The following NPR3 variants were observed in gnomAD, a reference collection of about 807,000 sequenced individuals.
The protein encoded by NPR3 is atrial natriuretic peptide receptor 3.
A neutral mutation model predicts 54.5 loss-of-function variants in NPR3; 34 were observed. The observed-to-expected ratio is 0.62, with a 90% CI of 0.47 to 0.83. The LOEUF (loss-of-function observed/expected upper bound fraction) is 0.83, where lower values mean the gene tolerates loss of function less well. NPR3 is among the 40% of genes least tolerant of loss of function. The pLI, the probability that NPR3 is intolerant of heterozygous loss-of-function variation, is 0.00. For synonymous variants in NPR3, 289 were observed against 297.1 expected, an observed-to-expected ratio of 0.97 and a Z score of 0.28; for missense variants, 674 against 720.8, an observed-to-expected ratio of 0.94 and a Z score of 0.74.
In NPR3 at chr5:32,737,699, C is replaced by T. The variant is rs1022380604; in HGVS notation, c.893-1165C>T. Among the ~76,000 whole-genome samples the T allele has an allele frequency of 9.9e-5, 15 of 152,096 alleles. 1 individual carries two copies. Among genetic ancestry groups the T allele is most frequent in the African/African-American group, 3.4e-4 (14 of 41,404 alleles). On this transcript the variant is annotated intron_variant, in intron 2 of 7. Transcript: ENST00000265074. Reference sequence around the variant, plus strand: ...TTGCCTTTTGGGGCCCTGTAAGCCACGTTTTCTTGAAAATAAAATAACGAA... The same window carrying T: ...TTGCCTTTTGGGGCCCTGTAAGCCATGTTTTCTTGAAAATAAAATAACGAA...
At chr5:32,691,960 T>A (rs1015266107) in intron 1 of NPR3, among the ~76,000 whole-genome samples, 2 of 152,240 alleles carry the variant, frequency 1.3e-5, no homozygotes, top group East Asian at 3.8e-4. Context: ...TATATTGGAA[T>A]AATACATGAA....
intron 3 of NPR3, among the ~76,000 whole-genome samples, chr5:32,750,003 G>A (rs895728641): frequency 6.6e-6 from 1 of 152,124 alleles, no homozygotes; most frequent in Non-Finnish European, 1.5e-5. Context: ...ACCTCCAGAG[G>A]TGACAGTGAC....
chr5:32,754,819 G>C (rs1740749361), intron 3 of NPR3, among the ~76,000 whole-genome samples: 2 of 152,046 alleles, frequency 1.3e-5, no homozygotes, highest in Non-Finnish European at 2.9e-5. Context: ...CTAAATCACT[G>C]GTGTTGGAAA....
At chr5:32,786,023 T>C (rs1201961368) in intron 7 of NPR3, among the ~76,000 whole-genome samples, 1 of 152,212 alleles carries the variant, frequency 6.6e-6, no homozygotes, top group Non-Finnish European at 1.5e-5. Flanking sequence ...GCTTGTTCTG[T>C]GGTATTTGGG....
At chr5:32,734,501 T>C (rs967163701) in intron 2 of NPR3, among the ~76,000 whole-genome samples, 2 of 152,216 alleles carry the variant, frequency 1.3e-5, no homozygotes, top group Non-Finnish European at 2.9e-5. Flanking sequence ...ACTACCTTCC[T>C]CTTTCATAAA....
At position 32,789,469 on chromosome 5, in the gene NPR3, G is replaced by A; in HGVS notation, c.*3124G>A. On this transcript the variant is annotated 3_prime_UTR_variant, in exon 8 of 8. Transcript: ENST00000265074. ...TCAACTTGTCTTTTCTTGAACCACA[G>A]GAATGGTTCTACAGACCCTACTATA... is the stretch of plus-strand genomic sequence containing the variant. 1 of 534,210 alleles carries A rather than the reference G, an allele frequency of 1.9e-6. No homozygotes were observed. The highest frequency in any genetic ancestry group is 1.4e-5 in the South Asian group (1 of 71,454). The allele number at this position is 534,210 out of a possible 1,614,324, so 33.1% of individuals were successfully genotyped here. A position where few individuals can be genotyped will look rare whatever the true frequency, so the allele number is the denominator to read the frequency against.
At chr5:32,714,805 C>T (rs571601152) in intron 1 of NPR3, among the ~76,000 whole-genome samples, 3 of 152,204 alleles carry the variant, frequency 2.0e-5, no homozygotes, top group South Asian at 2.1e-4. Flanking sequence ...GTTACTTTAC[C>T]GTAAGCACTT....
intron 4 of NPR3, among the ~76,000 whole-genome samples, chr5:32,780,396 TA>T (rs1407672097): frequency 6.6e-6 from 1 of 152,272 alleles, no homozygotes; most frequent in East Asian, 1.9e-4. Flanking sequence ...ACTCTGCGAT[TA>T]AAAAAAATTA....
intron 3 of NPR3, among the ~76,000 whole-genome samples, chr5:32,753,031 G>C (rs1031013014): frequency 1.3e-5 from 2 of 152,156 alleles, no homozygotes; most frequent in South Asian, 2.1e-4. Context: ...GCTTGCAATT[G>C]GCACATATTG....
intron 1 of NPR3, chr5:32,716,320 T>C: frequency 2.3e-6 from 1 of 426,336 alleles, no homozygotes; most frequent in Admixed American, 2.7e-5. Flanking sequence ...CAATTCTTGT[T>C]AGCTCTTCCT....
intron 2 of NPR3, among the ~76,000 whole-genome samples, chr5:32,732,754 A>G (rs17443474): frequency 0.059 from 8,949 of 152,116 alleles, 308 homozygotes; most frequent in Non-Finnish European, 0.072. Context: ...TTCAACATCT[A>G]CCTCTCCCTG....
chr5:32,733,193 A>G (rs1739556528), intron 2 of NPR3, among the ~76,000 whole-genome samples: 1 of 152,162 alleles, frequency 6.6e-6, no homozygotes, highest in Admixed American at 6.5e-5. Flanking sequence ...ATTGAAAAAA[A>G]AACATATTGA....
intron 3 of NPR3, among the ~76,000 whole-genome samples, chr5:32,742,016 G>C (rs898640217): frequency 1.3e-5 from 2 of 151,530 alleles, no homozygotes; most frequent in African/African-American, 2.4e-5. Flanking sequence ...GGCTGGGTTC[G>C]CAGAGACTAG....
intron 3 of NPR3, among the ~76,000 whole-genome samples, chr5:32,739,552 C>T (rs902433875): frequency 6.6e-6 from 1 of 152,146 alleles, no homozygotes. Flanking sequence ...TTGCTTCCTA[C>T]TCACATATTG....
chr5:32,771,037 A>G (rs1466744463), intron 3 of NPR3, among the ~76,000 whole-genome samples: 1 of 151,916 alleles, frequency 6.6e-6, no homozygotes, highest in Admixed American at 6.6e-5. Context: ...TTCTTAAGCT[A>G]ACTTCATACA....
At chr5:32,782,835 G>C (rs978594723) in intron 5 of NPR3, 58 bp from the exon 6 acceptor site, 17 of 1,510,946 alleles carry the variant, frequency 1.1e-5, no homozygotes, top group Non-Finnish European at 1.4e-5. Flanking sequence ...GGAAGGCTGC[G>C]AGCTTTGTGC....
Position 32,790,606 on chromosome 5 carries a change from T to A in NPR3, c.*4261T>A, listed in dbSNP as rs1239179561. 1 of 166,686 alleles carries A rather than the reference T, an allele frequency of 6.0e-6. No homozygotes were observed. Among genetic ancestry groups the A allele is most frequent in the East Asian group, 1.9e-4 (1 of 5,200 alleles). 10.3% of individuals were successfully genotyped at this position (166,686 alleles called of 1,614,324 possible). On this transcript the variant is annotated 3_prime_UTR_variant, in exon 8 of 8. Transcript: ENST00000265074. ...TTTGGTGTTCAGCATGCACATTCCA[T>A]AAATATCTCTTGCAGGCATACCCCA...
intron 1 of NPR3, among the ~76,000 whole-genome samples, chr5:32,714,752 A>C (rs1166787003): frequency 6.6e-6 from 1 of 152,202 alleles, no homozygotes; most frequent in Non-Finnish European, 1.5e-5. Flanking sequence ...TTGATAACAA[A>C]GCTCTCTTAG....
intron 5 of NPR3, 136 bp downstream of exon 5, chr5:32,780,952 G>T: frequency 1.7e-6 from 1 of 605,252 alleles, no homozygotes; most frequent in Admixed American, 2.9e-5. Context: ...CTCAACTTTT[G>T]ATTGAGGGTT....
Sources: gnomAD v4.1 joint callset for allele counts (sites outside exome capture counted in the v4.1 genomes callset) on GRCh38, gnomAD v4.1.1 for gene constraint, MANE v1.5 for transcripts, NCBI Gene and HGNC (gene_info 2026-07-23, HGNC 2026-07-21) for gene names.